Variants in PTS observed in about 807,000 individuals in gnomAD.
PTS encodes 6-pyruvoyltetrahydropterin synthase, also known as 6-pyruvoyl tetrahydrobiopterin synthase.
In PTS, 23 loss-of-function variants were observed where a neutral mutation model predicts 20.6. The observed-to-expected ratio is 1.12, with a 90% CI of 0.80 to 1.58. The LOEUF (loss-of-function observed/expected upper bound fraction) is 1.58. Among genes scored for constraint, PTS ranks in the 40% most tolerant of loss-of-function variants. The pLI, the probability that PTS is intolerant of heterozygous loss-of-function variation, is 0.00. For synonymous variants in PTS, 65 were observed against 62.5 expected, an observed-to-expected ratio of 1.04 and a Z score of -0.19; for missense variants, 186 against 182.4, an observed-to-expected ratio of 1.02 and a Z score of -0.11.
chr11:112,230,552 T>G (rs181720825), intron 3 of PTS, 74 bp from the exon 4 acceptor site: 1 of 1,297,466 alleles, frequency 7.7e-7, no homozygotes, highest in Non-Finnish European at 1.1e-6. Context: ...CACATTGTAC[T>G]GCCTTTAATA....
chr11:112,228,297 A>G, intron 1 of PTS: 1 of 423,672 alleles, frequency 2.4e-6, no homozygotes, highest in South Asian at 2.8e-5. Flanking sequence ...GTAATGTTGA[A>G]TTGAAAAGTG....
intron 2 of PTS, 108 bp from the exon 3 acceptor site, chr11:112,230,100 C>A: frequency 9.4e-7 from 1 of 1,064,032 alleles, no homozygotes; most frequent in Non-Finnish European, 1.5e-6. Context: ...GGGGACAGAT[C>A]TAATAATTTA....
chr11:112,230,730 A>G (rs1302603075), intron 4 of PTS, 48 bp downstream of exon 4: 2 of 1,516,616 alleles, frequency 1.3e-6, no homozygotes, highest in African/African-American at 1.4e-5. Flanking sequence ...TAACTGTAAT[A>G]TTTGGTGGCC....
At position 112,231,899 on chromosome 11, in the gene PTS, A is replaced by C. The variant is rs1859941172; in HGVS notation, c.243+1217A>C. Among the ~76,000 whole-genome samples, 4 of 125,778 alleles carry C rather than the reference A, an allele frequency of 3.2e-5. No individual in the cohort carries two copies. In the South Asian group the frequency reaches 1.4e-3, roughly 43 times the overall value. The allele number at this position is 125,778 out of a possible 152,430, so 82.5% of individuals were successfully genotyped here. On this transcript the variant is annotated intron_variant, in intron 4 of 5. Coordinates refer to ENST00000280362, the MANE Select transcript of PTS (RefSeq NM_000317.3). ...AGAGAGAGGGAGACAGAGACAGGAG[A>C]AGAGGAGGGGGAGGGGAGGACAGGG...
chr11:112,233,334 C>A, intron 5 of PTS, 98 bp from the exon 6 acceptor site: 2 of 1,532,532 alleles, frequency 1.3e-6, no homozygotes, highest in East Asian at 2.3e-5. Flanking sequence ...TTAATGAAAT[C>A]TTTCGAAACT....
chr11:112,232,896 G>A (rs1344521851), intron 4 of PTS, among the ~76,000 whole-genome samples: 3 of 152,190 alleles, frequency 2.0e-5, no homozygotes, highest in African/African-American at 7.2e-5. Context: ...CTTGTGTTGC[G>A]AGAAAGCTCC....
rs1859890851 is a variant in PTS, at chr11:112,228,314, C to T, written c.84-280C>T. On this transcript the variant is annotated intron_variant, in intron 1 of 5. Transcript: ENST00000280362. ...AATGTTGAATTGAAAAGTGGAAGGC[C>T]CATGAGCAGATCAGTTGCTGTGGAA... 4 of 478,004 alleles carry T rather than the reference C, an allele frequency of 8.4e-6. 1 individual carries two copies. Among genetic ancestry groups the T allele is most frequent in the South Asian group, 4.5e-5 (2 of 44,190 alleles). 29.6% of individuals were successfully genotyped at this position (478,004 alleles called of 1,614,324 possible). A position where few individuals can be genotyped will look rare whatever the true frequency, so the allele number is the denominator to read the frequency against.
At chr11:112,229,079 C>T (rs1173109642) in intron 2 of PTS, 3 of 198,630 alleles carry the variant, frequency 1.5e-5, no homozygotes, top group South Asian at 8.8e-5. Flanking sequence ...AAAGCTTTGC[C>T]AGCAGTGTTC....
chr11:112,228,962 C>A, intron 2 of PTS: 2 of 382,028 alleles, frequency 5.2e-6, no homozygotes, highest in South Asian at 7.8e-5. Context: ...TTAGGTATGG[C>A]CAAGGCTAAT....
intron 1 of PTS, 166 bp from the exon 2 acceptor site, chr11:112,228,428 G>C (rs904776118): frequency 9.4e-6 from 6 of 640,594 alleles, no homozygotes; most frequent in African/African-American, 9.2e-5. Context: ...TGACGTATAC[G>C]TAAGTAATAA....
rs1859961649 is a variant in PTS, at chr11:112,233,081, A to G, written c.244-82A>G. 5.7e-6 allele frequency: 7 copies of G among 1,238,340 alleles called. No individual in the cohort carries two copies. The South Asian group carries it at 8.4e-5, about 15-fold the overall frequency. The allele number at this position is 1,238,340 out of a possible 1,614,324, so 76.7% of individuals were successfully genotyped here. A position where few individuals can be genotyped will look rare whatever the true frequency, so the allele number is the denominator to read the frequency against. On this transcript the variant is annotated intron_variant, in intron 4 of 5. Transcript: ENST00000280362. ...TAGTTAGTGGCTAAGTGATAAGGTG[A>G]GGTTTAGAGGCATAAGTGGAACAAT...
intron 2 of PTS, 102 bp from the exon 3 acceptor site, chr11:112,230,106 A>AT (rs1402774833): frequency 8.8e-7 from 1 of 1,133,810 alleles, no homozygotes; most frequent in East Asian, 2.3e-5. Context: ...AGATCTAATA[A>AT]TTTATGTTGC....
chr11:112,230,087 T>C, intron 2 of PTS, 121 bp from the exon 3 acceptor site: 2 of 1,002,054 alleles, frequency 2.0e-6, no homozygotes, highest in Non-Finnish European at 3.2e-6. Context: ...AAGTATAGCT[T>C]TTGGGGACAG....
intron 5 of PTS, 43 bp downstream of exon 5, chr11:112,233,276 G>T (rs1859967028): frequency 6.4e-7 from 1 of 1,573,858 alleles, no homozygotes; most frequent in African/African-American, 1.4e-5. Flanking sequence ...TGTAAAACAA[G>T]AATTGATTTG....
Position 112,226,510 on chromosome 11 carries a change from A to AGC in PTS, c.68_69dup (p.His24AlafsTer9). 6.3e-7 allele frequency: 1 copy of AGC among 1,584,214 alleles called. No individual in the cohort carries two copies. The highest frequency in any genetic ancestry group is 8.6e-7 in the Non-Finnish European group (1 of 1,167,756). ...GTCCCGCCGCATCTCCTTCAGCGCG[A>AGC]GCCACCGATTGTACAGGTAGGGTGT... On this transcript the variant is annotated frameshift_variant, in exon 1 of 6. Coordinates refer to ENST00000280362, the MANE Select transcript of PTS (RefSeq NM_000317.3). LOFTEE classifies it high-confidence loss of function.
intron 2 of PTS, 164 bp downstream of exon 2, chr11:112,228,837 G>A (rs1018194863): frequency 2.9e-6 from 2 of 694,164 alleles, no homozygotes; most frequent in African/African-American, 1.8e-5. Context: ...TGTTGTCTTG[G>A]TTGGGTGTGT....
chr11:112,228,762 G>C (rs1441198196), intron 2 of PTS, 89 bp downstream of exon 2: 1 of 1,174,280 alleles, frequency 8.5e-7, no homozygotes, highest in Non-Finnish European at 1.3e-6. Flanking sequence ...GAAAACTTAC[G>C]GACACAGTGT....
intron 4 of PTS, among the ~76,000 whole-genome samples, chr11:112,231,916 A>C: frequency 9.0e-6 from 1 of 110,844 alleles, no homozygotes; most frequent in South Asian, 4.0e-4. Flanking sequence ...GGGGGAGGGG[A>C]GGACAGGGGA....
chr11:112,227,617 G>A (rs2135407769), intron 1 of PTS, among the ~76,000 whole-genome samples: 1 of 152,268 alleles, frequency 6.6e-6, no homozygotes, highest in South Asian at 2.1e-4. Context: ...GGGCGAGCAA[G>A]CAGGCAACTC....
Sources: allele counts gnomAD v4.1 joint callset (sites outside exome capture counted in the v4.1 genomes callset), GRCh38; gene constraint gnomAD v4.1.1; transcripts MANE v1.5; gene names NCBI Gene and HGNC (gene_info 2026-07-23, HGNC 2026-07-21).